RNU2-63P: variants seen among roughly 807,000 people sequenced by gnomAD.
The protein encoded by RNU2-63P is RNA, U2 small nuclear 63, pseudogene.
exon 1 of RNU2-63P, chr2:88,016,428 AACTCCCC>A (rs1672690754): frequency 6.6e-6 from 1 of 152,176 alleles, no homozygotes; most frequent in Admixed American, 6.5e-5. Flanking sequence ...CTCTTACTCC[AACTCCCC>A]GTTCCAAAAC....
chr2:88,016,465 A>G (rs907035774), exon 1 of RNU2-63P: 10 of 152,300 alleles, frequency 6.6e-5, no homozygotes, highest in East Asian at 1.9e-4. Context: ...TATAGCGTTC[A>G]TCAAACAGAA....
At chr2:88,016,505 C>G (rs777943503) in exon 1 of RNU2-63P, 1 of 152,232 alleles carries the variant, frequency 6.6e-6, no homozygotes, top group African/African-American at 2.4e-5. Flanking sequence ...CTGATAAGAA[C>G]ACACACTACA....
chr2:88,016,445 C>T (rs958741675), exon 1 of RNU2-63P: 1 of 111,518 alleles, frequency 9.0e-6, no homozygotes, highest in Non-Finnish European at 2.0e-5. Flanking sequence ...CGTTCCAAAA[C>T]TGCGTTTAAT....
At chr2:88,016,507 C>T (rs991993059) in exon 1 of RNU2-63P, 1 of 152,158 alleles carries the variant, frequency 6.6e-6, no homozygotes, top group Non-Finnish European at 1.5e-5. Context: ...GATAAGAACA[C>T]ACACTACACT....
exon 1 of RNU2-63P, chr2:88,016,507 C>A (rs991993059): frequency 3.9e-5 from 6 of 152,154 alleles, no homozygotes; most frequent in African/African-American, 1.2e-4. Flanking sequence ...GATAAGAACA[C>A]ACACTACACT....
At chr2:88,016,546 A>C (rs777684505) in exon 1 of RNU2-63P, 1 of 152,228 alleles carries the variant, frequency 6.6e-6, no homozygotes, top group African/African-American at 2.4e-5. Flanking sequence ...CAAAAAAGAG[A>C]TACCAGTTAC....
chr2:88,016,457 T>A (rs557765558), exon 1 of RNU2-63P: 1 of 134,082 alleles, frequency 7.5e-6, no homozygotes, highest in African/African-American at 2.7e-5. Context: ...GCGTTTAATA[T>A]AGCGTTCATC....
At chr2:88,016,449 G>GTT (rs1340192693) in exon 1 of RNU2-63P, 18 of 115,268 alleles carry the variant, frequency 1.6e-4, no homozygotes, top group African/African-American at 5.5e-4. Flanking sequence ...CCAAAACTGC[G>GTT]TTTAATATAG....
exon 1 of RNU2-63P, chr2:88,016,503 A>T (rs770391192): frequency 6.6e-6 from 1 of 152,164 alleles, no homozygotes; most frequent in African/African-American, 2.4e-5. Context: ...AACTGATAAG[A>T]ACACACACTA....
At chr2:88,016,372 G>A (rs1416828512) in exon 1 of RNU2-63P, 1 of 24,034 alleles carries the variant, frequency 4.2e-5, no homozygotes, top group Non-Finnish European at 1.1e-4. Context: ...CACCGTTTCT[G>A]GAAGTACTGC....
exon 1 of RNU2-63P, chr2:88,016,406 A>G (rs886367846): frequency 1.1e-5 from 1 of 93,958 alleles, no homozygotes; most frequent in African/African-American, 3.5e-5. Flanking sequence ...TGCGTAGACT[A>G]GATAGAGTAA....
chr2:88,016,435 C>A (rs10169099), exon 1 of RNU2-63P: 137,893 of 152,074 alleles, frequency 0.91, 62,854 homozygotes, highest in East Asian at 1. Flanking sequence ...TCCAACTCCC[C>A]GTTCCAAAAC....
exon 1 of RNU2-63P, chr2:88,016,416 AACTCTT>A (rs1558824897): frequency 1.0e-5 from 1 of 98,850 alleles, no homozygotes; most frequent in Non-Finnish European, 2.3e-5. Context: ...AGATAGAGTA[AACTCTT>A]ACTCCAACTC....
exon 1 of RNU2-63P, chr2:88,016,531 A>G (rs538416681): frequency 1.3e-5 from 2 of 152,230 alleles, no homozygotes; most frequent in Admixed American, 6.5e-5. Context: ...TCATTAACCA[A>G]ACAGCAAAAA....
exon 1 of RNU2-63P, chr2:88,016,422 TACTCCA>T (rs1672690293): frequency 1.3e-5 from 2 of 152,316 alleles, no homozygotes; most frequent in South Asian, 4.1e-4. Flanking sequence ...AGTAAACTCT[TACTCCA>T]ACTCCCCGTT....
chr2:88,016,424 C>T (rs1040484310), exon 1 of RNU2-63P: 15 of 101,114 alleles, frequency 1.5e-4, no homozygotes, highest in African/African-American at 4.6e-4. Flanking sequence ...TAAACTCTTA[C>T]TCCAACTCCC....
At chr2:88,016,455 TA>T in exon 1 of RNU2-63P, 1 of 152,270 alleles carries the variant, frequency 6.6e-6, no homozygotes, top group East Asian at 1.9e-4. Flanking sequence ...CTGCGTTTAA[TA>T]TAGCGTTCAT....
At chr2:88,016,522 C>A (rs958352374) in exon 1 of RNU2-63P, 1 of 152,216 alleles carries the variant, frequency 6.6e-6, no homozygotes, top group Non-Finnish European at 1.5e-5. Flanking sequence ...TACACTCAAT[C>A]ATTAACCAAA....
exon 1 of RNU2-63P, chr2:88,016,533 C>G (rs1231486931): frequency 1.3e-5 from 2 of 152,202 alleles, no homozygotes; most frequent in East Asian, 1.9e-4. Flanking sequence ...ATTAACCAAA[C>G]AGCAAAAAAG....
Sources: gnomAD v4.1 joint callset for allele counts on GRCh38, gnomAD v4.1.1 for gene constraint, MANE v1.5 for transcripts, NCBI Gene and HGNC (gene_info 2026-07-23, HGNC 2026-07-21) for gene names.